Variants in PRKD3 observed in about 807,000 individuals in gnomAD.
PRKD3 encodes protein kinase D3, also known as serine/threonine-protein kinase D3.
Under a neutral mutation model 99.2 loss-of-function variants are expected in PRKD3, and 47 were observed. The observed-to-expected ratio is 0.47, with a 90% CI of 0.38 to 0.60. The LOEUF is 0.60. PRKD3 is among the 20% of genes least tolerant of loss of function. The pLI is 0.00. For synonymous variants in PRKD3, 392 were observed against 355.4 expected, an observed-to-expected ratio of 1.10 and a Z score of -1.16; for missense variants, 1,019 against 1,088.4, an observed-to-expected ratio of 0.94 and a Z score of 0.90.
chr2:37,302,017 A>C (rs1461650432), intron 2 of PRKD3, among the ~76,000 whole-genome samples: 2 of 152,198 alleles, frequency 1.3e-5, no homozygotes, highest in African/African-American at 4.8e-5. Context: ...AATAGTGCTG[A>C]AGCTGAGAAA....
intron 2 of PRKD3, among the ~76,000 whole-genome samples, chr2:37,309,846 C>CAAAA (rs33959650): frequency 9.1e-5 from 9 of 98,402 alleles, no homozygotes; most frequent in Non-Finnish European, 1.2e-4. Flanking sequence ...GACTCCGTCT[C>CAAAA]AAAAAAAAAA....
At chr2:37,320,278 C>G (rs1671823854) in intron 1 of PRKD3, among the ~76,000 whole-genome samples, 2 of 152,090 alleles carry the variant, frequency 1.3e-5, no homozygotes, top group Non-Finnish European at 2.9e-5. Context: ...CACATTATTC[C>G]ATATCCAACA....
intron 1 of PRKD3, among the ~76,000 whole-genome samples, chr2:37,321,523 G>A (rs1265751194): frequency 6.6e-6 from 1 of 152,058 alleles, no homozygotes; most frequent in East Asian, 1.9e-4. Flanking sequence ...ACTCTAATTA[G>A]GAGAAGCTCT....
chr2:37,266,343 G>C (rs1341414665), intron 14 of PRKD3, among the ~76,000 whole-genome samples: 1 of 152,166 alleles, frequency 6.6e-6, no homozygotes, highest in Non-Finnish European at 1.5e-5. Flanking sequence ...TGTTGTTGTT[G>C]AGACGGAGTT....
chr2:37,315,535 G>C (rs1400055870), intron 2 of PRKD3, among the ~76,000 whole-genome samples: 1 of 152,146 alleles, frequency 6.6e-6, no homozygotes, highest in Non-Finnish European at 1.5e-5. Context: ...AGGGTACCTA[G>C]AGATAACAAG....
At chr2:37,263,112 CCTT>C (rs1232308949) in intron 14 of PRKD3, among the ~76,000 whole-genome samples, 3 of 151,998 alleles carry the variant, frequency 2.0e-5, no homozygotes, top group African/African-American at 7.2e-5. Context: ...TTCTTCAACT[CCTT>C]GAGTTAGATT....
Position 37,270,553 on chromosome 2 carries a change from A to T in PRKD3, c.1705-866T>A, listed in dbSNP as rs1395149169. Reference sequence around the variant, plus strand: ...CAGAACTAACAGAACTAATATACTAATTTGGGATGTTTACTGTCAAAACTG... The same window carrying T: ...CAGAACTAACAGAACTAATATACTATTTTGGGATGTTTACTGTCAAAACTG... On this transcript the variant is annotated intron_variant, in intron 12 of 18. Coordinates refer to ENST00000234179, the MANE Select transcript of PRKD3 (RefSeq NM_005813.6). Among the ~76,000 whole-genome samples the T allele has an allele frequency of 2.0e-5, 3 of 152,012 alleles. No homozygotes were observed. The East Asian group carries it at 5.8e-4, about 29-fold the overall frequency.
chr2:37,255,138 CAGG>C (rs1363563526), intron 17 of PRKD3, among the ~76,000 whole-genome samples: 8 of 152,210 alleles, frequency 5.3e-5, no homozygotes, highest in Admixed American at 5.2e-4. Flanking sequence ...CACACTGCCT[CAGG>C]AGGTCTGAGA....
Position 37,317,084 on chromosome 2 carries a change from T to C in PRKD3, c.-560A>G, listed in dbSNP as rs1671699710. 2.0e-6 allele frequency: 2 copies of C among 985,622 alleles called. No individual in the cohort carries two copies. Among genetic ancestry groups the C allele is most frequent in the Non-Finnish European group, 2.4e-6 (2 of 830,088 alleles). 61.1% of individuals were successfully genotyped at this position (985,622 alleles called of 1,614,324 possible). On this transcript the variant is annotated 5_prime_UTR_variant, in exon 2 of 19. Transcript: ENST00000234179. ...CATTCTGGGGGGATGAACTTTTCTA[T>C]GACGAAATACAAAGCTTTTTAAAAT...
At chr2:37,319,966 A>G (rs905888845) in intron 1 of PRKD3, among the ~76,000 whole-genome samples, 1 of 152,230 alleles carries the variant, frequency 6.6e-6, no homozygotes, top group Non-Finnish European at 1.5e-5. Flanking sequence ...GGATTGAGCT[A>G]CGGGGTACAA....
chr2:37,280,419 T>A (rs1669802304), intron 7 of PRKD3, among the ~76,000 whole-genome samples: 1 of 152,164 alleles, frequency 6.6e-6, no homozygotes, highest in Admixed American at 6.5e-5. Context: ...TTTGATTACA[T>A]CAGAATTTTA....
intron 14 of PRKD3, 41 bp from the exon 15 acceptor site, chr2:37,260,425 G>C (rs768424774): frequency 1.3e-6 from 2 of 1,548,062 alleles, no homozygotes; most frequent in East Asian, 4.5e-5. Context: ...CTTAAGCAGA[G>C]AAACAGTTTT....
At chr2:37,292,027 A>C (rs558898453) in intron 3 of PRKD3, among the ~76,000 whole-genome samples, 1 of 152,336 alleles carries the variant, frequency 6.6e-6, no homozygotes, top group African/African-American at 2.4e-5. Context: ...GAGGTGGAAA[A>C]AGTGAAAGGT....
At chr2:37,322,740 TGA>T (rs1357181249) in intron 1 of PRKD3, among the ~76,000 whole-genome samples, 2 of 152,188 alleles carry the variant, frequency 1.3e-5, no homozygotes, top group African/African-American at 4.8e-5. Flanking sequence ...AAGTTTTTCC[TGA>T]GAGGGCTACT....
intron 2 of PRKD3, among the ~76,000 whole-genome samples, chr2:37,310,594 T>A (rs771952413): frequency 6.6e-6 from 1 of 152,344 alleles, no homozygotes; most frequent in Middle Eastern, 3.4e-3. Context: ...ATATCTGGCA[T>A]CATAAAGCTT....
At chr2:37,307,890 T>A (rs979159520) in intron 2 of PRKD3, among the ~76,000 whole-genome samples, 1 of 152,230 alleles carries the variant, frequency 6.6e-6, no homozygotes, top group African/African-American at 2.4e-5. Context: ...AAAACCTCAG[T>A]GTATATGTTT....
intron 4 of PRKD3, among the ~76,000 whole-genome samples, chr2:37,290,278 G>C (rs1246570958): frequency 6.6e-6 from 1 of 152,050 alleles, no homozygotes; most frequent in Non-Finnish European, 1.5e-5. Flanking sequence ...ACCCAGGCTG[G>C]AGTGCAATGG....
At chr2:37,301,184 C>T (rs1252715348) in intron 2 of PRKD3, among the ~76,000 whole-genome samples, 1 of 152,098 alleles carries the variant, frequency 6.6e-6, no homozygotes, top group Non-Finnish European at 1.5e-5. Context: ...TATGTGGAGA[C>T]CTTTAATAAG....
intron 2 of PRKD3, among the ~76,000 whole-genome samples, chr2:37,293,988 T>C (rs1200996846): frequency 6.6e-6 from 1 of 152,222 alleles, no homozygotes; most frequent in African/African-American, 2.4e-5. Context: ...TTACCATCAG[T>C]CTTGGATCTT....
Sources: allele counts gnomAD v4.1 joint callset (sites outside exome capture counted in the v4.1 genomes callset), GRCh38; gene constraint gnomAD v4.1.1; transcripts MANE v1.5; gene names NCBI Gene and HGNC (gene_info 2026-07-23, HGNC 2026-07-21).